The following LOC102723971 variants were observed in gnomAD, a reference collection of about 807,000 sequenced individuals.
chr9:135,615,086 C>A, the LOC102723971 span, among the ~76,000 whole-genome samples: 1 of 152,210 alleles, frequency 6.6e-6, no homozygotes, highest in Admixed American at 6.5e-5. Flanking sequence ...GGAACGTTTG[C>A]CAGTGCAGCC....
At chr9:135,617,122 C>T in the LOC102723971 span, 20 of 396,542 alleles carry the variant, frequency 5.0e-5, no homozygotes, top group Non-Finnish European at 8.4e-5. Context: ...ACTTGCTGTC[C>T]TGTCTGGGAG....
the LOC102723971 span, chr9:135,615,247 C>T: frequency 5.1e-6 from 2 of 394,640 alleles, no homozygotes; most frequent in Admixed American, 8.8e-5. Flanking sequence ...GGGGGTGCCA[C>T]ACAGCCGGGC....
chr9:135,618,177 G>T, the LOC102723971 span: 201 of 395,402 alleles, frequency 5.1e-4, 1 homozygote, highest in African/African-American at 3.5e-3. Flanking sequence ...GGCCTGTGCC[G>T]GCTGCTTCAG....
the LOC102723971 span, among the ~76,000 whole-genome samples, chr9:135,617,603 G>T: frequency 1.3e-5 from 2 of 152,178 alleles, no homozygotes; most frequent in Admixed American, 6.5e-5. Context: ...GTTGGGAGGG[G>T]TGGCACCAGG....
At chr9:135,619,412 G>A in the LOC102723971 span, among the ~76,000 whole-genome samples, 3 of 152,174 alleles carry the variant, frequency 2.0e-5, no homozygotes, top group East Asian at 5.8e-4. Flanking sequence ...GCCCTCAAGT[G>A]TCCTTCAGGA....
the LOC102723971 span, chr9:135,619,066 C>T: frequency 5.0e-6 from 2 of 399,736 alleles, no homozygotes; most frequent in Non-Finnish European, 8.8e-6. Context: ...GTCCCCAGGT[C>T]CCCCTGGAAG....
At chr9:135,617,844 G>A in the LOC102723971 span, 3 of 396,610 alleles carry the variant, frequency 7.6e-6, no homozygotes, top group East Asian at 3.6e-5. Flanking sequence ...GGTGGCCGAT[G>A]CCCAGGGCCT....
chr9:135,618,384 G>GC, the LOC102723971 span, among the ~76,000 whole-genome samples: 1 of 151,818 alleles, frequency 6.6e-6, no homozygotes, highest in Non-Finnish European at 1.5e-5. Flanking sequence ...GCCTCCCAAC[G>GC]CATCATTCAG....
chr9:135,616,648 T>C, the LOC102723971 span: 4 of 398,562 alleles, frequency 1.0e-5, no homozygotes, highest in Admixed American at 4.4e-5. Context: ...GCAAGGCCAG[T>C]ACCAAGGCTC....
At chr9:135,615,945 G>A in the LOC102723971 span, among the ~76,000 whole-genome samples, 6 of 152,228 alleles carry the variant, frequency 3.9e-5, no homozygotes, top group East Asian at 1.9e-4. Flanking sequence ...TACGCTGAGC[G>A]CAGTGACACC....
chr9:135,614,435 GAC>G, the LOC102723971 span: 45 of 379,740 alleles, frequency 1.2e-4, no homozygotes, highest in South Asian at 1.4e-4. Context: ...GGGTGGGGCA[GAC>G]AGGGGGGTGC....
chr9:135,619,253 T>G, the LOC102723971 span, among the ~76,000 whole-genome samples: 1 of 152,288 alleles, frequency 6.6e-6, no homozygotes, highest in African/African-American at 2.4e-5. Context: ...CCTGTGGGCC[T>G]GGAGCACACC....
the LOC102723971 span, chr9:135,618,966 G>T: frequency 1.0e-5 from 4 of 400,788 alleles, no homozygotes; most frequent in Non-Finnish European, 1.8e-5. Context: ...TAGGTCTGGC[G>T]GTTCTGGAGT....
chr9:135,618,858 T>C, the LOC102723971 span: 22 of 398,658 alleles, frequency 5.5e-5, no homozygotes, highest in Middle Eastern at 1.3e-3. Context: ...ATGTGATTGA[T>C]TTACTGATTG....
chr9:135,614,446 G>T, the LOC102723971 span: 4 of 386,130 alleles, frequency 1.0e-5, no homozygotes, highest in Non-Finnish European at 1.8e-5. Context: ...ACAGGGGGGT[G>T]CCGGGGTTCA....
chr9:135,615,969 C>T, the LOC102723971 span, among the ~76,000 whole-genome samples: 6 of 152,220 alleles, frequency 3.9e-5, no homozygotes, highest in African/African-American at 1.4e-4. Context: ...AACAAGCTTC[C>T]GTTATTCCGC....
the LOC102723971 span, chr9:135,616,439 C>T: frequency 8.4e-5 from 33 of 394,042 alleles, no homozygotes; most frequent in Admixed American, 3.1e-4. Flanking sequence ...GGGGAGCTGA[C>T]GCCCCGGGGA....
chr9:135,617,467 C>T, the LOC102723971 span, among the ~76,000 whole-genome samples: 15 of 151,608 alleles, frequency 9.9e-5, 1 homozygote, highest in African/African-American at 2.2e-4. Flanking sequence ...GTCCTGAAGA[C>T]GAGGTGGAGA....
At chr9:135,614,421 C>CAGGG in the LOC102723971 span, 1 of 392,664 alleles carries the variant, frequency 2.5e-6, no homozygotes, top group Non-Finnish European at 4.5e-6. Context: ...TGAGGAGGTG[C>CAGGG]AGGGGGTGGG....
Sources: allele counts gnomAD v4.1 joint callset (sites outside exome capture counted in the v4.1 genomes callset), GRCh38; gene constraint gnomAD v4.1.1; transcripts MANE v1.5.